The following MICAL3 variants were observed in gnomAD, a reference collection of about 807,000 sequenced individuals.
MICAL3 encodes the protein microtubule associated monooxygenase, calponin and LIM domain containing 3.
In MICAL3, 62 loss-of-function variants were observed where a neutral mutation model predicts 207.4. The ratio of observed to expected loss-of-function variants is 0.30; its 90% confidence interval spans 0.24 to 0.37. MICAL3 has a LOEUF of 0.37. MICAL3 is among the 10% of genes least tolerant of loss of function. The pLI, the probability that MICAL3 is intolerant of heterozygous loss-of-function variation, is 1.00. For synonymous variants in MICAL3, 1,077 were observed against 1,069.3 expected (o/e 1.01, Z -0.14); for missense variants, 2,368 against 2,635.6 (o/e 0.90, Z 2.22).
chr22:17,813,429 T>C (rs2062069807), intron 27 of MICAL3: 1 of 152,230 alleles, frequency 6.6e-6, no homozygotes, highest in African/African-American at 2.4e-5. Context: ...GGAGCTGTGC[T>C]TCCCAAGCCT....
chr22:17,962,902 C>T (rs987072679), intron 1 of MICAL3, among the ~76,000 whole-genome samples: 1 of 152,096 alleles, frequency 6.6e-6, no homozygotes, highest in African/African-American at 2.4e-5. Context: ...GAGCACACCA[C>T]CATGCCCAGC....
chr22:17,900,671 G>T lies in MICAL3; in HGVS notation c.847+171C>A, dbSNP rs1232370594. Among the ~76,000 whole-genome samples, 1 of 152,158 alleles carries T rather than the reference G, an allele frequency of 6.6e-6. No individual in the cohort carries two copies. Among genetic ancestry groups the T allele is most frequent in the Non-Finnish European group, 1.5e-5 (1 of 68,028 alleles). The stretch of plus-strand genomic sequence containing the variant: ...TTAAGAATACAAGAGGAGGAGACAA[G>T]TTCTGCAGGAAGCAATGCGCTAGGA... On this transcript the variant is annotated intron_variant, in intron 6 of 31. Transcript: ENST00000441493. The surrounding 1 kb of genome is among the most constrained non-coding windows in gnomAD (Gnocchi z 4.0).
At chr22:17,952,694 G>A (rs1453537711) in intron 1 of MICAL3, among the ~76,000 whole-genome samples, 1 of 149,674 alleles carries the variant, frequency 6.7e-6, no homozygotes, top group Non-Finnish European at 1.5e-5. Flanking sequence ...GGTCCACACA[G>A]GCGGGGCGTC....
chr22:17,848,050 A>T (rs148284485), intron 19 of MICAL3, among the ~76,000 whole-genome samples: 23 of 152,278 alleles, frequency 1.5e-4, no homozygotes, highest in African/African-American at 5.3e-4. Context: ...GGAAGCACCA[A>T]GCCATGAACC....
chr22:17,907,621 G>A (rs928939324), intron 1 of MICAL3, among the ~76,000 whole-genome samples: 4 of 152,160 alleles, frequency 2.6e-5, no homozygotes, highest in Admixed American at 2.0e-4. Context: ...GGAAGATCAC[G>A]AAAGGAGAGT....
chr22:17,970,886 A>G (rs573871619), intron 1 of MICAL3, among the ~76,000 whole-genome samples: 1 of 152,260 alleles, frequency 6.6e-6, no homozygotes, highest in African/African-American at 2.4e-5. Flanking sequence ...TGAGCTGTTA[A>G]AAAGTCTTCT....
intron 6 of MICAL3, among the ~76,000 whole-genome samples, chr22:17,899,854 C>T (rs1931176324): frequency 6.6e-6 from 1 of 151,962 alleles, no homozygotes; most frequent in South Asian, 2.1e-4. Flanking sequence ...CTAAAGAGGG[C>T]TTGGATTAGT....
chr22:17,840,755 G>A (rs1285103721), intron 20 of MICAL3: 1 of 152,396 alleles, frequency 6.6e-6, no homozygotes, highest in African/African-American at 2.4e-5. Flanking sequence ...GGCACAGTGG[G>A]GAGAGTGGGG....
At chr22:17,930,687 T>C (rs1602239811) in intron 1 of MICAL3, among the ~76,000 whole-genome samples, 1 of 152,184 alleles carries the variant, frequency 6.6e-6, no homozygotes, top group Non-Finnish European at 1.5e-5. Context: ...AGTGGTGCTG[T>C]GTCAACTTGG....
At chr22:17,976,559 GTGTATATATA>G (rs1335877028) in intron 1 of MICAL3, among the ~76,000 whole-genome samples, 68 of 78,782 alleles carry the variant, frequency 8.6e-4, no homozygotes, top group African/African-American at 3.6e-3. Flanking sequence ...GTGTGTGTGT[GTGTATATATA>G]TATATATATA....
At chr22:17,803,683 G>A in intron 29 of MICAL3, 1 of 245,976 alleles carries the variant, frequency 4.1e-6, no homozygotes, top group Non-Finnish European at 6.5e-6. Flanking sequence ...AGCTGGAAAA[G>A]GGTCTGTGCT....
In MICAL3 at chr22:17,817,417, C is replaced by T. The variant is rs1420250939; in HGVS notation, c.5244G>A (p.Lys1748=). 6 of 1,613,586 alleles carry T rather than the reference C, an allele frequency of 3.7e-6. No individual in the cohort carries two copies. Among genetic ancestry groups the T allele is most frequent in the Non-Finnish European group, 5.1e-6 (6 of 1,179,890 alleles). The part of the protein sequence containing the change: ...SLWKSVFSGY[K]KDKKKKADDK... ...CGTCGGCCTTCTTCTTCTTGTCCTTCTTGTACCCGGAGAAGACGGACTTCC... is the reference window on the plus strand; with the variant it reads ...CGTCGGCCTTCTTCTTCTTGTCCTTTTTGTACCCGGAGAAGACGGACTTCC... The change falls in exon 26 of 32, where the codon AAG becomes AAA. Residue 1748 remains lysine (K), a synonymous_variant. Transcript: ENST00000441493.
intron 22 of MICAL3, among the ~76,000 whole-genome samples, chr22:17,825,861 C>T (rs922636162): frequency 1.3e-5 from 2 of 152,196 alleles, no homozygotes; most frequent in Non-Finnish European, 2.9e-5. Flanking sequence ...CTTCCAGAAA[C>T]ATGTAGGAAG....
At chr22:17,928,739 G>A (rs1933057641) in intron 1 of MICAL3, among the ~76,000 whole-genome samples, 1 of 152,158 alleles carries the variant, frequency 6.6e-6, no homozygotes, top group Non-Finnish European at 1.5e-5. Flanking sequence ...CCCCATAGGG[G>A]GGTGACCATA....
At chr22:17,861,132 A>C (rs893876901) in intron 19 of MICAL3, 1 of 985,182 alleles carries the variant, frequency 1.0e-6, no homozygotes, top group Non-Finnish European at 1.2e-6. Context: ...AGGGAAGGGG[A>C]CGTGGGAAGC....
intron 16 of MICAL3, among the ~76,000 whole-genome samples, chr22:17,882,987 C>T (rs1929570734): frequency 6.6e-6 from 1 of 152,190 alleles, no homozygotes; most frequent in Admixed American, 6.5e-5. Context: ...CCAGCCACAA[C>T]CACCTGTTCC....
At chr22:17,834,677 G>A (rs913100875) in intron 20 of MICAL3, 2 of 922,498 alleles carry the variant, frequency 2.2e-6, no homozygotes, top group Non-Finnish European at 2.6e-6. Flanking sequence ...AGGGCCAGGA[G>A]GAGAGGTCGA....
chr22:18,018,013 G>C (rs1924179804), intron 1 of MICAL3, among the ~76,000 whole-genome samples: 1 of 150,298 alleles, frequency 6.7e-6, no homozygotes, highest in Admixed American at 6.6e-5. Flanking sequence ...GCCTCCCACA[G>C]TGCTGGGATT....
rs751408366 is a variant in MICAL3 at position 17,916,917 on chromosome 22, GCT to G, written c.-74-10033_-74-10032del. ...GTTTCATACTGTGATCTAGGACACA[GCT>G]CTCTTTTCACATAAATTTAATTTTT... On this transcript the variant is annotated intron_variant, in intron 1 of 31. Transcript: ENST00000441493. Among the ~76,000 whole-genome samples, 5 of 152,146 alleles carry G rather than the reference GCT, an allele frequency of 3.3e-5. No individual in the cohort carries two copies. In the South Asian group the frequency reaches 6.2e-4, roughly 19 times the overall value.
Sources: allele counts gnomAD v4.1 joint callset (sites outside exome capture counted in the v4.1 genomes callset), GRCh38; gene constraint gnomAD v4.1.1; non-coding constraint Gnocchi (gnomAD v3.1); transcripts MANE v1.5; gene names NCBI Gene and HGNC (gene_info 2026-07-23, HGNC 2026-07-21).